ANO2: variants seen among roughly 807,000 people sequenced by gnomAD.
ANO2 encodes the protein anoctamin 2.
A neutral mutation model predicts 124.2 loss-of-function variants in ANO2; 101 were observed. That is an observed-to-expected ratio of 0.81 (90% CI 0.69 to 0.96). ANO2 has a LOEUF of 0.96. Ranked by LOEUF, ANO2 falls within the 40% of genes least tolerant of loss-of-function variation. ANO2 has a pLI of 0.00. For synonymous variants in ANO2, 486 were observed against 482.5 expected, an observed-to-expected ratio of 1.01 and a Z score of -0.09; for missense variants, 1,293 against 1,274.5, an observed-to-expected ratio of 1.01 and a Z score of -0.22.
chr12:5,609,926 A>G (rs1440878243), intron 19 of ANO2, among the ~76,000 whole-genome samples: 5 of 146,030 alleles, frequency 3.4e-5, no homozygotes, highest in Non-Finnish European at 3.0e-5. Flanking sequence ...TTATATCTAT[A>G]TGAAATATAG....
At position 5,906,360 on chromosome 12, in the gene ANO2, A is replaced by AAG. The variant is rs1555181562; in HGVS notation, c.534+14679_534+14680insCT. The stretch of plus-strand genomic sequence containing the variant: ...GTCACACATTGTTAAAAAAAAAAAA[A>AAG]AAAGAAAAAGAAAAAAAGAGGCCAT... On this transcript the variant is annotated intron_variant, in intron 3 of 24. Coordinates refer to ENST00000682330, the MANE Select transcript of ANO2 (RefSeq NM_001364791.2). Among the ~76,000 whole-genome samples the AAG allele has an allele frequency of 2.7e-5, 4 of 150,660 alleles. No individual in the cohort carries two copies. The East Asian group carries it at 7.8e-4, about 29-fold the overall frequency.
At chr12:5,814,274 A>G (rs145849322) in intron 7 of ANO2, among the ~76,000 whole-genome samples, 118 of 152,306 alleles carry the variant, frequency 7.7e-4, no homozygotes, top group African/African-American at 2.6e-3. Context: ...CCCTTTGTAA[A>G]TGGTTTCTCT....
chr12:5,580,842 GT>G (rs577660033), intron 20 of ANO2, among the ~76,000 whole-genome samples: 1 of 152,162 alleles, frequency 6.6e-6, no homozygotes, highest in Non-Finnish European at 1.5e-5. Context: ...TGCCCAGTAG[GT>G]TCCTGCAGGC....
chr12:5,666,720 G>C (rs1201712127), intron 14 of ANO2, among the ~76,000 whole-genome samples: 2 of 152,126 alleles, frequency 1.3e-5, no homozygotes, highest in Non-Finnish European at 2.9e-5. Context: ...GGTGGCTGTG[G>C]GGCAAAGAAT....
rs1006156999 is a variant in ANO2 at position 5,900,966 on chromosome 12, T to C, written c.534+20074A>G. 2.0e-5 allele frequency among the ~76,000 whole-genome samples: 3 copies of C among 152,120 alleles called. No individual in the cohort carries two copies. Among genetic ancestry groups the C allele is most frequent in the African/African-American group, 7.2e-5 (3 of 41,410 alleles). On this transcript the variant is annotated intron_variant, in intron 3 of 24. Coordinates refer to ENST00000682330, the MANE Select transcript of ANO2 (RefSeq NM_001364791.2). The surrounding 1 kb of genome is among the most constrained non-coding windows in gnomAD (Gnocchi z 4.2). ...TTTTTGTATTCATCAATTCAGACGT[T>C]CTCCTGGGGAGGGCCTTGACTTCAG... is the stretch of plus-strand genomic sequence containing the variant.
intron 3 of ANO2, among the ~76,000 whole-genome samples, chr12:5,901,282 C>T (rs1334198560): frequency 6.6e-6 from 1 of 152,142 alleles, no homozygotes; most frequent in Non-Finnish European, 1.5e-5. Context: ...TGGACAGGAG[C>T]TTGCAATGTG....
At chr12:5,915,419 C>T (rs1296419027) in intron 3 of ANO2, among the ~76,000 whole-genome samples, 4 of 152,118 alleles carry the variant, frequency 2.6e-5, no homozygotes, top group African/African-American at 9.7e-5. Context: ...CTGTCAAAAG[C>T]ATGCCCAGGT....
intron 1 of ANO2, among the ~76,000 whole-genome samples, chr12:5,931,502 C>T (rs914595016): frequency 4.7e-5 from 7 of 149,492 alleles, no homozygotes; most frequent in South Asian, 2.2e-4. Context: ...AGAAGGCAGA[C>T]GAGTGAGGAA....
intron 14 of ANO2, among the ~76,000 whole-genome samples, chr12:5,727,823 T>C (rs1419004739): frequency 2.0e-5 from 3 of 150,272 alleles, no homozygotes; most frequent in African/African-American, 4.9e-5. Flanking sequence ...TTTTTTTTTT[T>C]CGAGACAGAG....
intron 10 of ANO2, among the ~76,000 whole-genome samples, chr12:5,755,733 A>C (rs544683566): frequency 1.5e-4 from 23 of 152,076 alleles, no homozygotes; most frequent in Admixed American, 1.4e-3. Flanking sequence ...AAGGACATGA[A>C]CTCATCATTT....
chr12:5,772,730 T>C (rs1021913692), intron 10 of ANO2, among the ~76,000 whole-genome samples: 4 of 152,234 alleles, frequency 2.6e-5, no homozygotes, highest in African/African-American at 9.6e-5. Flanking sequence ...GTATAGTGAA[T>C]ATTATAAAAG....
chr12:5,679,764 T>A (rs1948414503), intron 14 of ANO2, among the ~76,000 whole-genome samples: 1 of 152,226 alleles, frequency 6.6e-6, no homozygotes, highest in African/African-American at 2.4e-5. Flanking sequence ...AAATACCATT[T>A]GACCCAGCAA....
chr12:5,605,977 C>A (rs1339542287), intron 19 of ANO2, among the ~76,000 whole-genome samples: 1 of 152,150 alleles, frequency 6.6e-6, no homozygotes, highest in East Asian at 1.9e-4. Flanking sequence ...GAGTGGGGAC[C>A]ATTCAAAGCC....
At chr12:5,788,457 C>T (rs1952601080) in intron 10 of ANO2, among the ~76,000 whole-genome samples, 1 of 152,224 alleles carries the variant, frequency 6.6e-6, no homozygotes, top group East Asian at 1.9e-4. Flanking sequence ...ATATCTATCT[C>T]GTTCATCACT....
rs2099478150 is a variant in ANO2, at chr12:5,766,868, C to T, written c.1056-15898G>A. 2.0e-5 allele frequency among the ~76,000 whole-genome samples: 3 copies of T among 152,178 alleles called. No individual in the cohort carries two copies. In the South Asian group the frequency reaches 6.2e-4, roughly 31 times the overall value. ...GAGGTGAGTTCTCATCTGAAGGAAG[C>T]ACAGGAGGCCAAGCTAACAAAAGAC... On this transcript the variant is annotated intron_variant, in intron 10 of 24. Coordinates refer to ENST00000682330, the MANE Select transcript of ANO2 (RefSeq NM_001364791.2).
At chr12:5,826,118 C>T (rs950656636) in intron 7 of ANO2, among the ~76,000 whole-genome samples, 3 of 152,144 alleles carry the variant, frequency 2.0e-5, no homozygotes, top group African/African-American at 7.2e-5. Flanking sequence ...GATTTATTGA[C>T]CTCATATCAG....
intron 14 of ANO2, among the ~76,000 whole-genome samples, chr12:5,675,641 G>C (rs766305694): frequency 5.9e-5 from 9 of 152,212 alleles, no homozygotes; most frequent in Non-Finnish European, 1.0e-4. Context: ...GCTGTCGTCA[G>C]TTCTCAGATC....
chr12:5,869,051 G>A (rs1309141138), intron 3 of ANO2, among the ~76,000 whole-genome samples: 1 of 152,198 alleles, frequency 6.6e-6, no homozygotes, highest in Non-Finnish European at 1.5e-5. Context: ...AGGGCTTGGA[G>A]CAGATGGAAG....
chr12:5,838,744 G>A (rs951981511), intron 4 of ANO2, among the ~76,000 whole-genome samples: 3 of 152,130 alleles, frequency 2.0e-5, no homozygotes, highest in Non-Finnish European at 4.4e-5. Context: ...AATACATTGT[G>A]GTTTGCTTTC....
Sources: gnomAD v4.1 joint callset for allele counts (sites outside exome capture counted in the v4.1 genomes callset) on GRCh38, gnomAD v4.1.1 for gene constraint, Gnocchi (gnomAD v3.1) non-coding constraint, MANE v1.5 for transcripts, NCBI Gene and HGNC (gene_info 2026-07-23, HGNC 2026-07-21) for gene names.